PCDHGA2: variants seen among roughly 807,000 people sequenced by gnomAD.
The protein encoded by PCDHGA2 is protocadherin gamma subfamily A, 2.
Under a neutral mutation model 59.2 loss-of-function variants are expected in PCDHGA2, and 40 were observed. The observed-to-expected ratio is 0.68, with a 90% CI of 0.52 to 0.88. The LOEUF (loss-of-function observed/expected upper bound fraction) is 0.88, where lower values mean the gene tolerates loss of function less well. Among genes scored for constraint, PCDHGA2 ranks in the 40% least tolerant of loss-of-function variants. The pLI, the probability that PCDHGA2 is intolerant of heterozygous loss-of-function variation, is 0.00. For missense variants in PCDHGA2, 1,226 were observed against 1,204.0 expected (o/e 1.02, Z -0.27); for synonymous variants, 560 against 526.0 (o/e 1.06, Z -0.89).
chr5:141,370,966 A>T (rs1417305082), intron 1 of PCDHGA2: 1 of 1,614,000 alleles, frequency 6.2e-7, no homozygotes, highest in Middle Eastern at 1.6e-4. Flanking sequence ...GGCAGTAGGT[A>T]CCCAGAGCTA....
Position 141,485,119 on chromosome 5 carries a change from C to A in PCDHGA2, c.2425-9688C>A. 3.0e-6 allele frequency: 4 copies of A among 1,328,812 alleles called. No homozygotes were observed. Among genetic ancestry groups the A allele is most frequent in the Non-Finnish European group, 4.3e-6 (4 of 935,940 alleles). The allele number at this position is 1,328,812 out of a possible 1,614,324, so 82.3% of individuals were successfully genotyped here. ...CTCCAGCTGCTGTGGCTGTTTGGGG[C>A]GGGTCGGCTTCATCCGCGTCTCAGG... On this transcript the variant is annotated intron_variant, in intron 1 of 3. Transcript: ENST00000394576. This position sits in a 1 kb window ranked among gnomAD's most constrained non-coding sequence, Gnocchi z 5.7.
rs556217163 is a variant in PCDHGA2, at chr5:141,433,697, C to T, written c.2425-61110C>T. Among the ~76,000 whole-genome samples the T allele has an allele frequency of 6.0e-4, 91 of 152,138 alleles. 1 individual carries two copies. Among genetic ancestry groups the T allele is most frequent in the African/African-American group, 2.0e-3 (85 of 41,536 alleles). ...CTAAAAAAATACAAAATTAGCCGGGCGTGGTGGTGCATGTCTGTAATCCCA... is the reference window on the plus strand; with the variant it reads ...CTAAAAAAATACAAAATTAGCCGGGTGTGGTGGTGCATGTCTGTAATCCCA... On this transcript the variant is annotated intron_variant, in intron 1 of 3. Coordinates refer to ENST00000394576, the MANE Select transcript of PCDHGA2 (RefSeq NM_018915.4).
At chr5:141,394,840 G>GCA (rs2093111243) in intron 1 of PCDHGA2, 1 of 1,613,834 alleles carries the variant, frequency 6.2e-7, no homozygotes. Flanking sequence ...ACCGAGTTGG[G>GCA]CAGTCTGAAG....
At position 141,389,253 on chromosome 5, in the gene PCDHGA2, G is replaced by T. The variant is rs998614321; in HGVS notation, c.2424+47858G>T. The stretch of plus-strand genomic sequence containing the variant: ...GGTTTTCTCACAGTCTTCCTATATA[G>T]TCCACGTGGCCGAGAACAACCCGCC... On this transcript the variant is annotated intron_variant, in intron 1 of 3. Transcript: ENST00000394576. 1.9e-6 allele frequency: 3 copies of T among 1,613,892 alleles called. No homozygotes were observed. The highest frequency in any genetic ancestry group is 2.5e-6 in the Non-Finnish European group (3 of 1,179,902).
Position 141,490,885 on chromosome 5 carries a change from T to C in PCDHGA2, c.2425-3922T>C, listed in dbSNP as rs1317781676. The stretch of plus-strand genomic sequence containing the variant: ...CTCTCCCCCATTGCATGCCAACACA[T>C]CTCTGCATGTGTTTGTCCTAGACGA... On this transcript the variant is annotated intron_variant, in intron 1 of 3. Coordinates refer to ENST00000394576, the MANE Select transcript of PCDHGA2 (RefSeq NM_018915.4). This position sits in a 1 kb window ranked among gnomAD's most constrained non-coding sequence, Gnocchi z 5.4. The C allele has an allele frequency of 6.2e-7, 1 of 1,613,872 alleles. No individual in the cohort carries two copies. Among genetic ancestry groups the C allele is most frequent in the Non-Finnish European group, 8.5e-7 (1 of 1,179,904 alleles).
At chr5:141,423,744 A>G in intron 1 of PCDHGA2, 1 of 429,464 alleles carries the variant, frequency 2.3e-6, no homozygotes. Context: ...TGTTATGAAA[A>G]CTGTTTGGGG....
At chr5:141,358,102 A>G (rs1359136399) in intron 1 of PCDHGA2, among the ~76,000 whole-genome samples, 1 of 152,204 alleles carries the variant, frequency 6.6e-6, no homozygotes, top group Admixed American at 6.5e-5. Flanking sequence ...AGGCATGAGA[A>G]TTGCTTGAAC....
Position 141,346,160 on chromosome 5 carries a change from C to T in PCDHGA2, c.2424+4765C>T, listed in dbSNP as rs1237874036. On this transcript the variant is annotated intron_variant, in intron 1 of 3. Coordinates refer to ENST00000394576, the MANE Select transcript of PCDHGA2 (RefSeq NM_018915.4). The stretch of plus-strand genomic sequence containing the variant: ...CCTGCGTCTTCCTGGCCTTCGTCAT[C>T]GTGCTGCTGGCGCTCAGGCTGCGGC... 4 of 1,613,920 alleles carry T rather than the reference C, an allele frequency of 2.5e-6. No individual in the cohort carries two copies. The African/African-American group carries it at 4.0e-5, about 16-fold the overall frequency.
At chr5:141,415,135 G>A (rs1224251849) in intron 1 of PCDHGA2, 7 of 1,613,666 alleles carry the variant, frequency 4.3e-6, no homozygotes, top group East Asian at 2.2e-5. Flanking sequence ...CCAGGACCAC[G>A]GCCAGCCCCC....
At position 141,363,058 on chromosome 5, in the gene PCDHGA2, C is replaced by G. The variant is rs114390762; in HGVS notation, c.2424+21663C>G. On this transcript the variant is annotated intron_variant, in intron 1 of 3. Coordinates refer to ENST00000394576, the MANE Select transcript of PCDHGA2 (RefSeq NM_018915.4). ...GACTTGAAGACCAACACTCAGTAAG[C>G]TAAATGTCTTGGAATCACAAATGTA... Among the ~76,000 whole-genome samples the G allele has an allele frequency of 1.4e-3, 215 of 152,336 alleles. 2 individuals carry two copies. Among genetic ancestry groups the G allele is most frequent in the African/African-American group, 4.9e-3 (205 of 41,574 alleles).
At chr5:141,462,800 A>C (rs1039129881) in intron 1 of PCDHGA2, among the ~76,000 whole-genome samples, 2 of 152,128 alleles carry the variant, frequency 1.3e-5, no homozygotes, top group Non-Finnish European at 2.9e-5. Flanking sequence ...TTGCATGTCT[A>C]ATAATGTTTT....
At position 141,487,382 on chromosome 5, in the gene PCDHGA2, T is replaced by A. The variant is rs755316738; in HGVS notation, c.2425-7425T>A. 6.2e-7 allele frequency: 1 copy of A among 1,614,172 alleles called. No individual in the cohort carries two copies. The highest frequency in any genetic ancestry group is 2.2e-5 in the East Asian group (1 of 44,854). On this transcript the variant is annotated intron_variant, in intron 1 of 3. Transcript: ENST00000394576. The surrounding 1 kb of genome is among the most constrained non-coding windows in gnomAD (Gnocchi z 5.0). ...TGGCACCTGTGCCTGTCTCACCAGA[T>A]CTCGAAGGAGGGAGGGGCTTCCCCC...
At chr5:141,368,370 TA>T (rs1332977748) in intron 1 of PCDHGA2, among the ~76,000 whole-genome samples, 7 of 152,116 alleles carry the variant, frequency 4.6e-5, no homozygotes, top group African/African-American at 7.2e-5. Flanking sequence ...TACACACATA[TA>T]TATACACACA....
In PCDHGA2 at chr5:141,432,012, A is replaced by G. The variant is rs756906117; in HGVS notation, c.2425-62795A>G. ...TTGGATAGGGAACAGGTTCCTAGCT[A>G]CAACATCACAGTGACCGCCACTGAC... On this transcript the variant is annotated intron_variant, in intron 1 of 3. Transcript: ENST00000394576. The surrounding 1 kb of genome is among the most constrained non-coding windows in gnomAD (Gnocchi z 6.0). The G allele has an allele frequency of 1.1e-5, 18 of 1,614,056 alleles. No homozygotes were observed. The highest frequency in any genetic ancestry group is 1.3e-5 in the Non-Finnish European group (15 of 1,180,008).
At chr5:141,467,360 C>T (rs965838962) in intron 1 of PCDHGA2, among the ~76,000 whole-genome samples, 3 of 152,010 alleles carry the variant, frequency 2.0e-5, no homozygotes, top group Non-Finnish European at 4.4e-5. Context: ...GCCAAATCAA[C>T]GTTTTCTTAT....
chr5:141,490,497 C>G lies in PCDHGA2; in HGVS notation c.2425-4310C>G. The stretch of plus-strand genomic sequence containing the variant: ...CTTTGGACCGGGAGGCCACATCCCA[C>G]TATATCATCGAGCTGCTGGCCAGCG... On this transcript the variant is annotated intron_variant, in intron 1 of 3. Transcript: ENST00000394576. The surrounding 1 kb of genome is among the most constrained non-coding windows in gnomAD (Gnocchi z 5.4). 6.2e-7 allele frequency: 1 copy of G among 1,614,196 alleles called. No individual in the cohort carries two copies. Among genetic ancestry groups the G allele is most frequent in the South Asian group, 1.1e-5 (1 of 91,084 alleles).
chr5:141,361,583 C>G (rs1762083225), intron 1 of PCDHGA2: 1 of 1,613,914 alleles, frequency 6.2e-7, no homozygotes, highest in Admixed American at 1.7e-5. Flanking sequence ...GACTTGGGCC[C>G]CAGTGGCCAA....
In PCDHGA2 at chr5:141,477,602, C is replaced by G. The variant is rs772296229; in HGVS notation, c.2425-17205C>G. ...GCAGAATGCTCGGCTTTCTTTCTTT[C>G]TCTTGGAGCAAGGAGCTGAAACCGG... On this transcript the variant is annotated intron_variant, in intron 1 of 3. Coordinates refer to ENST00000394576, the MANE Select transcript of PCDHGA2 (RefSeq NM_018915.4). This position sits in a 1 kb window ranked among gnomAD's most constrained non-coding sequence, Gnocchi z 4.9. 6.2e-7 allele frequency: 1 copy of G among 1,614,098 alleles called. No homozygotes were observed. Among genetic ancestry groups the G allele is most frequent in the East Asian group, 2.2e-5 (1 of 44,898 alleles).
intron 1 of PCDHGA2, chr5:141,405,443 A>G (rs2154536495): frequency 7.2e-7 from 1 of 1,381,938 alleles, no homozygotes; most frequent in Non-Finnish European, 1.0e-6. Flanking sequence ...TTTTTGAGAC[A>G]GAGTCTTACT....
Sources: allele counts gnomAD v4.1 joint callset (sites outside exome capture counted in the v4.1 genomes callset), GRCh38; gene constraint gnomAD v4.1.1; non-coding constraint Gnocchi (gnomAD v3.1); transcripts MANE v1.5; gene names NCBI Gene and HGNC (gene_info 2026-07-23, HGNC 2026-07-21).